MAD2L2: variants seen among roughly 807,000 people sequenced by gnomAD.
The protein encoded by MAD2L2 is mitotic arrest deficient 2 like 2, also known as mitotic spindle assembly checkpoint protein MAD2B.
Under a neutral mutation model 30.5 loss-of-function variants are expected in MAD2L2, and 17 were observed. The ratio of observed to expected loss-of-function variants is 0.56; its 90% CI spans 0.38 to 0.84. MAD2L2 has a LOEUF of 0.84. Ranked by LOEUF, MAD2L2 falls within the 40% of genes least tolerant of loss-of-function variation. MAD2L2 has a pLI of 0.00. For missense variants in MAD2L2, 213 were observed against 277.4 expected (o/e 0.77, Z 1.65); for synonymous variants, 101 against 113.9 (o/e 0.89, Z 0.72).
upstream of MAD2L2, among the ~76,000 whole-genome samples, chr1:11,684,243 G>A (rs1403478906): frequency 1.3e-5 from 2 of 152,172 alleles, no homozygotes; most frequent in Non-Finnish European, 2.9e-5. Flanking sequence ...CCATCCATGC[G>A]CTCTTCAGCA....
chr1:11,674,915 G>C lies in MAD2L2; in HGVS notation c.595-99C>G. The C allele has an allele frequency of 7.0e-7, 1 of 1,434,648 alleles. No homozygotes were observed. Among genetic ancestry groups the C allele is most frequent in the Admixed American group, 1.7e-5 (1 of 58,582 alleles). The allele number at this position is 1,434,648 out of a possible 1,614,324, so 88.9% of individuals were successfully genotyped here. A position where few individuals can be genotyped will look rare whatever the true frequency, so the allele number is the denominator to read the frequency against. On this transcript the variant is annotated intron_variant, in intron 8 of 8. Transcript: ENST00000376692. This position sits in a 1 kb window ranked among gnomAD's most constrained non-coding sequence, Gnocchi z 6.1. ...TGGTGGGCAGACCTCCACCACAGGTGGGGCCTCGTGGCCATAGCCATGGTG... is the reference window on the plus strand; with the variant it reads ...TGGTGGGCAGACCTCCACCACAGGTCGGGCCTCGTGGCCATAGCCATGGTG...
intron 6 of MAD2L2, 49 bp from the exon 7 acceptor site, chr1:11,675,780 G>A: frequency 6.8e-7 from 1 of 1,479,048 alleles, no homozygotes; most frequent in Non-Finnish European, 9.5e-7. Context: ...CCTGGTGCCA[G>A]CCACTGGGCC....
intron 3 of MAD2L2, among the ~76,000 whole-genome samples, chr1:11,677,864 C>A (rs1229091227): frequency 6.6e-6 from 1 of 151,986 alleles, no homozygotes; most frequent in Non-Finnish European, 1.5e-5. Flanking sequence ...TCGAGACCAG[C>A]CTGGCCAATA....
chr1:11,680,341 G>T lies in MAD2L2; in HGVS notation c.159+12C>A. The T allele has an allele frequency of 6.2e-7, 1 of 1,606,830 alleles. No individual in the cohort carries two copies. The highest frequency in any genetic ancestry group is 8.5e-7 in the Non-Finnish European group (1 of 1,173,952). On this transcript the variant is annotated intron_variant, in intron 3 of 8. Transcript: ENST00000376692. ...CCCTGTACCCACTCTGTGGTTCTGG[G>T]ACGTGCCTCACCTGGACCGGCACGT...
rs1361882092 is a variant in MAD2L2 at position 11,688,817 on chromosome 1, AGATACAGGTCATAAAGACCTTG to A, written c.-692+2574_-692+2595del. On this transcript the variant is annotated intron_variant, in intron 1 of 10. Coordinates refer to the MAD2L2 transcript ENST00000235310. The surrounding 1 kb of genome is among the most constrained non-coding windows in gnomAD (Gnocchi z 4.6). The stretch of plus-strand genomic sequence containing the variant: ...CAGTATGAGACAGGAGATCAGCACA[AGATACAGGTCATAAAGACCTTG>A]CTGATAAAACAGTTTGCAGTAAGGA... 6.6e-6 allele frequency among the ~76,000 whole-genome samples: 1 copy of A among 152,186 alleles called. No homozygotes were observed. Among genetic ancestry groups the A allele is most frequent in the African/African-American group, 2.4e-5 (1 of 41,448 alleles).
upstream of MAD2L2, among the ~76,000 whole-genome samples, chr1:11,686,137 T>C (rs973524474): frequency 7.2e-5 from 11 of 152,098 alleles, no homozygotes; most frequent in African/African-American, 1.2e-4. Context: ...CATAGCTCCA[T>C]TTCCATTTCC....
In MAD2L2 at chr1:11,676,359, G is replaced by C. The variant is rs528086509; in HGVS notation, c.333-219C>G. Among the ~76,000 whole-genome samples the C allele has an allele frequency of 2.6e-5, 4 of 152,294 alleles. No individual in the cohort carries two copies. The East Asian group carries it at 5.8e-4, about 22-fold the overall frequency. On this transcript the variant is annotated intron_variant, in intron 5 of 8. Coordinates refer to ENST00000376692, the MANE Select transcript of MAD2L2 (RefSeq NM_006341.4). ...CCCAGATAAAGTCAGAATTCGGCGG[G>C]GGGTAGGGGACAGGGGAGGTAGGGG...
chr1:11,681,257 G>C (rs563182028), upstream of MAD2L2: 3 of 152,216 alleles, frequency 2.0e-5, no homozygotes, highest in Non-Finnish European at 4.4e-5. Flanking sequence ...ATGCGGGGGC[G>C]GGTCTCCGAG....
In MAD2L2 at chr1:11,688,232, C is replaced by T. The variant is rs945566882; in HGVS notation, c.-692+3181G>A. Among the ~76,000 whole-genome samples the T allele has an allele frequency of 6.6e-6, 1 of 152,204 alleles. No homozygotes were observed. Among genetic ancestry groups the T allele is most frequent in the Non-Finnish European group, 1.5e-5 (1 of 68,036 alleles). ...ACTTAGCTGGTCTCTTGCTTTCACC[C>T]TTGTCCCACTGCAGACTACTCCCAA... is the stretch of plus-strand genomic sequence containing the variant. On this transcript the variant is annotated intron_variant, in intron 1 of 10. Transcript: ENST00000235310. The surrounding 1 kb of genome is among the most constrained non-coding windows in gnomAD (Gnocchi z 4.6).
chr1:11,681,552 G>A (rs1280159295), upstream of MAD2L2: 1 of 152,290 alleles, frequency 6.6e-6, no homozygotes, highest in Non-Finnish European at 1.5e-5. Flanking sequence ...TGGCTCGGGG[G>A]CGGGAACAGG....
chr1:11,674,877 A>T lies in MAD2L2; in HGVS notation c.595-61T>A, dbSNP rs1640730301. On this transcript the variant is annotated intron_variant, in intron 8 of 8. Coordinates refer to ENST00000376692, the MANE Select transcript of MAD2L2 (RefSeq NM_006341.4). This position sits in a 1 kb window ranked among gnomAD's most constrained non-coding sequence, Gnocchi z 6.1. Reference sequence around the variant, plus strand: ...ACAGCCAGGGCATCCCTGCTGGAGGACACAGAAGCCCCTGGTGGGCAGACC... The same window carrying T: ...ACAGCCAGGGCATCCCTGCTGGAGGTCACAGAAGCCCCTGGTGGGCAGACC... The T allele has an allele frequency of 6.3e-7, 1 of 1,584,316 alleles. No individual in the cohort carries two copies. The highest frequency in any genetic ancestry group is 8.7e-7 in the Non-Finnish European group (1 of 1,153,724).
At chr1:11,689,257 T>C (rs904403560) in intron 1 of MAD2L2, among the ~76,000 whole-genome samples, 5 of 122,846 alleles carry the variant, frequency 4.1e-5, no homozygotes, top group African/African-American at 1.6e-4. Flanking sequence ...ACTGTGCCAC[T>C]ATACAAGCCT....
At chr1:11,676,488 G>C (rs74497137) in intron 5 of MAD2L2, among the ~76,000 whole-genome samples, 1 of 152,166 alleles carries the variant, frequency 6.6e-6, no homozygotes, top group African/African-American at 2.4e-5. Flanking sequence ...CACACAGGCC[G>C]TGGGGACAGG....
chr1:11,679,308 T>C, intron 3 of MAD2L2, among the ~76,000 whole-genome samples: 1 of 152,264 alleles, frequency 6.6e-6, no homozygotes, highest in Non-Finnish European at 1.5e-5. Context: ...TTTGAGCTTC[T>C]ACCACTTATT....
chr1:11,690,779 G>A lies in MAD2L2; in HGVS notation c.-692+634C>T, dbSNP rs547611948. ...TGGGAGGCACGGGACCCATAACCCA[G>A]CATTCTCAGACTCCCAGGGTCGTCA... On this transcript the variant is annotated intron_variant, in intron 1 of 10. Coordinates refer to the MAD2L2 transcript ENST00000235310. The surrounding 1 kb of genome is among the most constrained non-coding windows in gnomAD (Gnocchi z 4.2). Among the ~76,000 whole-genome samples the A allele has an allele frequency of 4.6e-5, 7 of 152,136 alleles. No homozygotes were observed. In the South Asian group the frequency reaches 1.2e-3, roughly 27 times the overall value.
intron 5 of MAD2L2, 76 bp from the exon 6 acceptor site, chr1:11,676,216 C>G (rs1284096056): frequency 2.1e-6 from 2 of 961,974 alleles, no homozygotes; most frequent in African/African-American, 1.6e-5. Context: ...GGATGCAGAC[C>G]TGGGGTACAA....
chr1:11,675,826 A>G, intron 6 of MAD2L2, 95 bp from the exon 7 acceptor site: 3 of 1,097,380 alleles, frequency 2.7e-6, no homozygotes, highest in Non-Finnish European at 4.2e-6. Context: ...GCTCAGCAGC[A>G]CCCCCAGAGC....
At chr1:11,675,879 A>T (rs1359325338) in intron 6 of MAD2L2, 148 bp from the exon 7 acceptor site, 6 of 883,842 alleles carry the variant, frequency 6.8e-6, no homozygotes, top group African/African-American at 6.6e-5. Flanking sequence ...GTCAATAGGG[A>T]GATGGAAGCC....
In MAD2L2 at chr1:11,687,783, C is replaced by T. The variant is rs72869757; in HGVS notation, c.-692+3630G>A. Among the ~76,000 whole-genome samples, 2,133 of 152,302 alleles carry T rather than the reference C, an allele frequency of 0.014. 46 individuals are homozygous for T. The highest frequency in any genetic ancestry group is 0.048 in the African/African-American group (2,013 of 41,558). On this transcript the variant is annotated intron_variant, in intron 1 of 10. Transcript: ENST00000235310. The surrounding 1 kb of genome is among the most constrained non-coding windows in gnomAD (Gnocchi z 4.1). ...TAATGTTTTCAAGATTCATCCAGGT[C>T]GAATCACATATTGATACTTCATTCC... is the stretch of plus-strand genomic sequence containing the variant.
Sources: gnomAD v4.1 joint callset for allele counts (sites outside exome capture counted in the v4.1 genomes callset) on GRCh38, gnomAD v4.1.1 for gene constraint, Gnocchi (gnomAD v3.1) non-coding constraint, MANE v1.5 for transcripts, NCBI Gene and HGNC (gene_info 2026-07-23, HGNC 2026-07-21) for gene names.